The following KIFC3 variants were observed in gnomAD, a reference collection of about 807,000 sequenced individuals.
KIFC3 encodes the protein kinesin family member C3, also known as kinesin-like protein KIFC3.
In KIFC3, 60 loss-of-function variants were observed where a neutral mutation model predicts 101.8. That is an observed-to-expected ratio of 0.59 (90% CI 0.48 to 0.73). The LOEUF is 0.73. Ranked by LOEUF, KIFC3 falls within the 30% of genes least tolerant of loss-of-function variation. The pLI, the probability that KIFC3 is intolerant of heterozygous loss-of-function variation, is 0.00. For missense variants in KIFC3, 966 were observed against 1,137.1 expected (o/e 0.85, Z 2.16); for synonymous variants, 476 against 482.7 (o/e 0.99, Z 0.18).
At chr16:57,855,520 T>A (rs1397715838) in intron 1 of KIFC3, among the ~76,000 whole-genome samples, 2 of 151,996 alleles carry the variant, frequency 1.3e-5, no homozygotes, top group Non-Finnish European at 2.9e-5. Flanking sequence ...AGGTAAAAAG[T>A]ACTTAGTGGA....
chr16:57,838,431 C>A (rs548515591), intron 1 of KIFC3, among the ~76,000 whole-genome samples: 1 of 152,292 alleles, frequency 6.6e-6, no homozygotes, highest in East Asian at 1.9e-4. Flanking sequence ...GACACAGCCA[C>A]CTAGTTACAG....
Position 57,840,426 on chromosome 16 carries a change from G to A in KIFC3, c.108+22303C>T, listed in dbSNP as rs573012907. Reference sequence around the variant, plus strand: ...AAGGATCCTTGAGCCCAGGAGTCAAGACTAGCCAGGGCAACATAGCAAGAC... The same window carrying A: ...AAGGATCCTTGAGCCCAGGAGTCAAAACTAGCCAGGGCAACATAGCAAGAC... On this transcript the variant is annotated intron_variant, in intron 1 of 2. Transcript: ENST00000563028. Among the ~76,000 whole-genome samples the A allele has an allele frequency of 3.3e-5, 5 of 152,080 alleles. No homozygotes were observed. In the South Asian group the frequency reaches 1.0e-3, roughly 32 times the overall value.
At chr16:57,777,839 A>G (rs2052298925) in intron 3 of KIFC3, among the ~76,000 whole-genome samples, 1 of 152,254 alleles carries the variant, frequency 6.6e-6, no homozygotes. Context: ...AAACCCTCGC[A>G]TATATGGTTA....
intron 1 of KIFC3, chr16:57,810,536 C>G (rs951900566): frequency 7.3e-6 from 3 of 408,670 alleles, no homozygotes; most frequent in Non-Finnish European, 9.9e-6. Context: ...TCCAGGTGAC[C>G]GAGAGGAAGC....
In KIFC3 at chr16:57,772,203, G is replaced by C. The variant is rs781835743; in HGVS notation, c.381+20C>G. ...GCAGGCCAGGCCCTGCGCTACCCCA[G>C]GACAGCCTTGTGGCCTCACCAGCTC... On this transcript the variant is annotated intron_variant, in intron 4 of 19. Transcript: ENST00000445690. 4.3e-6 allele frequency: 7 copies of C among 1,610,848 alleles called. No individual in the cohort carries two copies. Among genetic ancestry groups the C allele is most frequent in the African/African-American group, 1.3e-5 (1 of 74,876 alleles).
intron 1 of KIFC3, among the ~76,000 whole-genome samples, chr16:57,850,620 C>T (rs1386287946): frequency 6.6e-6 from 1 of 151,436 alleles, no homozygotes; most frequent in East Asian, 2.0e-4. Flanking sequence ...GGATTACAGG[C>T]GCCTGCCACC....
chr16:57,759,300 C>G (rs1227163674), intron 18 of KIFC3, 147 bp from the exon 19 acceptor site: 1 of 973,820 alleles, frequency 1.0e-6, no homozygotes. Flanking sequence ...CCCTGGGTCC[C>G]GGTCCTGTGG....
intron 3 of KIFC3, among the ~76,000 whole-genome samples, chr16:57,782,790 C>T (rs148876349): frequency 6.6e-6 from 1 of 152,176 alleles, no homozygotes; most frequent in Non-Finnish European, 1.5e-5. Flanking sequence ...CTGAAAAATA[C>T]AAACAATTAG....
At chr16:57,849,796 G>C (rs1045111823) in intron 1 of KIFC3, among the ~76,000 whole-genome samples, 14 of 152,216 alleles carry the variant, frequency 9.2e-5, no homozygotes, top group African/African-American at 2.9e-4. Flanking sequence ...CCAGCTACTT[G>C]GGAGGCTGAG....
chr16:57,802,413 G>C lies in KIFC3; in HGVS notation c.-83C>G. ...ATCCAGGCGTCGCCGCAGCGCCCGGGGCTCGGCCCGGCCCGGCCCGCCGGC... is the reference window on the plus strand; with the variant it reads ...ATCCAGGCGTCGCCGCAGCGCCCGGCGCTCGGCCCGGCCCGGCCCGCCGGC... On this transcript the variant is annotated 5_prime_UTR_variant, in exon 1 of 20. Coordinates refer to ENST00000445690, the MANE Select transcript of KIFC3 (RefSeq NM_001130100.2). This position sits in a 1 kb window ranked among gnomAD's most constrained non-coding sequence, Gnocchi z 5.0. 7.1e-6 allele frequency: 7 copies of C among 983,050 alleles called. No homozygotes were observed. Among genetic ancestry groups the C allele is most frequent in the Non-Finnish European group, 8.4e-6 (7 of 829,024 alleles). 60.9% of individuals were successfully genotyped at this position (983,050 alleles called of 1,614,324 possible).
At chr16:57,854,356 G>A (rs181532413) in intron 1 of KIFC3, among the ~76,000 whole-genome samples, 3 of 152,226 alleles carry the variant, frequency 2.0e-5, no homozygotes, top group South Asian at 2.1e-4. Flanking sequence ...GGCCAGGTGC[G>A]GTGGCTTTTG....
intron 1 of KIFC3, chr16:57,816,681 A>G: frequency 2.2e-6 from 1 of 456,668 alleles, no homozygotes. Context: ...CCCCACAACC[A>G]GGAGTCTTGG....
chr16:57,805,136 C>G (rs1430587136), upstream of KIFC3, among the ~76,000 whole-genome samples: 4 of 150,322 alleles, frequency 2.7e-5, no homozygotes, highest in African/African-American at 9.7e-5. Flanking sequence ...CAGCATGACT[C>G]AGTTTTTTAA....
chr16:57,762,240 G>A lies in KIFC3; in HGVS notation c.1648C>T (p.Arg550Trp). The A allele has an allele frequency of 2.5e-6, 4 of 1,592,700 alleles. No homozygotes were observed. Among genetic ancestry groups the A allele is most frequent in the South Asian group, 1.1e-5 (1 of 88,874 alleles). The change falls in exon 13 of 20, where the codon CGG (arginine) becomes TGG (tryptophan). Residue 550 changes from arginine (R) to tryptophan (W), a missense_variant. This residue lies in a region of KIFC3 where 689 missense variants were observed against 884.6 expected (regional missense o/e 0.78). Coordinates refer to ENST00000445690, the MANE Select transcript of KIFC3 (RefSeq NM_001130100.2). Reference protein sequence around the residue: ...GTAENPGINQRALQLLFSEVQ... With the variant: ...GTAENPGINQWALQLLFSEVQ... ...TCGGAGAAGAGCAGCTGCAGGGCCCGCTGGTTGATACCTGGGTTCTCAGCG... is the reference window on the plus strand; with the variant it reads ...TCGGAGAAGAGCAGCTGCAGGGCCCACTGGTTGATACCTGGGTTCTCAGCG...
intron 1 of KIFC3, among the ~76,000 whole-genome samples, chr16:57,844,936 A>G (rs2055887072): frequency 6.6e-6 from 1 of 152,224 alleles, no homozygotes; most frequent in Non-Finnish European, 1.5e-5. Flanking sequence ...GAACTGACCC[A>G]GGTCACCAGC....
chr16:57,828,359 C>A (rs151300396), intron 1 of KIFC3, among the ~76,000 whole-genome samples: 291 of 152,348 alleles, frequency 1.9e-3, no homozygotes, highest in African/African-American at 6.2e-3. Flanking sequence ...AAGGCTGTGC[C>A]GCCATTGAAA....
chr16:57,800,328 G>T (rs139902206), intron 1 of KIFC3, among the ~76,000 whole-genome samples: 15 of 152,190 alleles, frequency 9.9e-5, no homozygotes, highest in Non-Finnish European at 1.3e-4. Context: ...ACAGGGCAGA[G>T]GCTGATCTAA....
At chr16:57,797,459 T>C (rs182793169) in intron 2 of KIFC3, among the ~76,000 whole-genome samples, 7 of 152,300 alleles carry the variant, frequency 4.6e-5, no homozygotes, top group Admixed American at 4.6e-4. Flanking sequence ...CCGGGGGACA[T>C]GACCCAGAAA....
Position 57,802,298 on chromosome 16 carries a change from G to T in KIFC3, c.-40+72C>A, listed in dbSNP as rs1410924913. The T allele has an allele frequency of 2.5e-6, 2 of 810,960 alleles. No homozygotes were observed. Among genetic ancestry groups the T allele is most frequent in the Non-Finnish European group, 3.0e-6 (2 of 670,854 alleles). 50.2% of individuals were successfully genotyped at this position (810,960 alleles called of 1,614,324 possible). Reference sequence around the variant, plus strand: ...CGAGGGCAGGGCCGGCCCGGACGCGGCGCCCCAAACGGCGGGCCGGGCAGA... The same window carrying T: ...CGAGGGCAGGGCCGGCCCGGACGCGTCGCCCCAAACGGCGGGCCGGGCAGA... On this transcript the variant is annotated intron_variant, in intron 1 of 19. Transcript: ENST00000445690. This position sits in a 1 kb window ranked among gnomAD's most constrained non-coding sequence, Gnocchi z 5.0.
Sources: gnomAD v4.1 joint callset for allele counts (sites outside exome capture counted in the v4.1 genomes callset) on GRCh38, gnomAD v4.1.1 for gene constraint, gnomAD v4.1.1 regional missense constraint, Gnocchi (gnomAD v3.1) non-coding constraint, MANE v1.5 for transcripts, NCBI Gene and HGNC (gene_info 2026-07-23, HGNC 2026-07-21) for gene names.